The following SLC28A3 variants were observed in gnomAD, a reference collection of about 807,000 sequenced individuals.
The protein encoded by SLC28A3 is solute carrier family 28 member 3, also known as concentrative Na(+)-nucleoside cotransporter 3.
A neutral mutation model predicts 84.2 loss-of-function variants in SLC28A3; 68 were observed. The ratio of observed to expected loss-of-function variants is 0.81; its 90% CI spans 0.66 to 0.99. The LOEUF is 0.99. SLC28A3 is among the 50% of genes least tolerant of loss of function. The probability of loss-of-function intolerance (pLI) is 0.00; values close to 1 mark genes in which losing one functional copy is unlikely to be tolerated. For missense variants in SLC28A3, 712 were observed against 841.5 expected (o/e 0.85, Z 1.90); for synonymous variants, 267 against 303.6 (o/e 0.88, Z 1.25).
chr9:84,366,168 C>T, the SLC28A3 span, among the ~76,000 whole-genome samples: 5 of 152,060 alleles, frequency 3.3e-5, no homozygotes, highest in African/African-American at 7.2e-5. Context: ...TTGATCAATT[C>T]TGCTATTAAG....
intron 12 of SLC28A3, 38 bp downstream of exon 12, chr9:84,288,010 T>C (rs764811945): frequency 1.2e-6 from 2 of 1,612,552 alleles, no homozygotes; most frequent in East Asian, 2.2e-5. Context: ...CCGCCCCGGC[T>C]TGGGTAGTCA....
chr9:84,356,176 A>G, the SLC28A3 span, among the ~76,000 whole-genome samples: 37 of 152,144 alleles, frequency 2.4e-4, no homozygotes, highest in African/African-American at 8.7e-4. Flanking sequence ...ATAGCTATAT[A>G]GCTCACCTCC....
intron 1 of SLC28A3, among the ~76,000 whole-genome samples, chr9:84,314,876 A>G (rs1826114473): frequency 6.6e-6 from 1 of 152,222 alleles, no homozygotes; most frequent in Admixed American, 6.5e-5. Context: ...CAGGAGATTG[A>G]GACCATCCTG....
At chr9:84,357,010 G>T in the SLC28A3 span, among the ~76,000 whole-genome samples, 1 of 151,968 alleles carries the variant, frequency 6.6e-6, no homozygotes, top group Non-Finnish European at 1.5e-5. Flanking sequence ...AGATTCCATA[G>T]CACACATCCC....
intron 9 of SLC28A3, among the ~76,000 whole-genome samples, chr9:84,293,078 C>A (rs1424152415): frequency 6.6e-6 from 1 of 152,272 alleles, no homozygotes; most frequent in East Asian, 1.9e-4. Flanking sequence ...CTGTGTTAAG[C>A]CCTTGACAGT....
chr9:84,318,131 C>T (rs17336552), intron 1 of SLC28A3, among the ~76,000 whole-genome samples: 16,709 of 152,148 alleles, frequency 0.11, 1,034 homozygotes, highest in Admixed American at 0.19. Context: ...CTTTCTGGCT[C>T]AAGTCTCGGG....
chr9:84,288,586 G>A (rs991555258), intron 11 of SLC28A3, among the ~76,000 whole-genome samples: 6 of 151,106 alleles, frequency 4.0e-5, no homozygotes, highest in Admixed American at 1.3e-4. Context: ...GTCTTGCTCC[G>A]TCACCCAGGA....
chr9:84,336,444 C>T (rs1826979223), intron 1 of SLC28A3, among the ~76,000 whole-genome samples: 1 of 152,296 alleles, frequency 6.6e-6, no homozygotes, highest in Middle Eastern at 3.4e-3. Context: ...GTGGAGGTTG[C>T]AGTGAGCCAA....
chr9:84,361,839 GA>G, the SLC28A3 span, among the ~76,000 whole-genome samples: 1 of 152,028 alleles, frequency 6.6e-6, no homozygotes. Context: ...TTTGAGCCAG[GA>G]ATTTGAGGTT....
chr9:84,303,925 A>C (rs1033373481), intron 4 of SLC28A3, among the ~76,000 whole-genome samples: 8 of 152,116 alleles, frequency 5.3e-5, no homozygotes, highest in African/African-American at 1.9e-4. Flanking sequence ...TGCTTAGCCA[A>C]TCCTTTCAGC....
At chr9:84,340,785 T>G (rs1457449362), upstream of SLC28A3, 12 of 677,590 alleles carry the variant, frequency 1.8e-5, no homozygotes, top group Non-Finnish European at 2.0e-5. Context: ...ATCTCCTGAA[T>G]GACTAGGGCT....
chr9:84,338,115 G>C (rs1178278121), intron 1 of SLC28A3, among the ~76,000 whole-genome samples: 1 of 152,220 alleles, frequency 6.6e-6, no homozygotes, highest in Non-Finnish European at 1.5e-5. Flanking sequence ...TTCAAGCTGT[G>C]AAAGTAGTTC....
At chr9:84,301,170 T>C (rs1034920104) in intron 5 of SLC28A3, among the ~76,000 whole-genome samples, 2 of 151,326 alleles carry the variant, frequency 1.3e-5, no homozygotes, top group Non-Finnish European at 2.9e-5. Context: ...AGCAATATGG[T>C]GAAACACCCG....
chr9:84,360,998 T>C, the SLC28A3 span, among the ~76,000 whole-genome samples: 1 of 152,160 alleles, frequency 6.6e-6, no homozygotes, highest in Non-Finnish European at 1.5e-5. Context: ...CAAGAAACAC[T>C]TGCTAAATGA....
intron 1 of SLC28A3, among the ~76,000 whole-genome samples, chr9:84,328,696 T>C (rs1208452570): frequency 6.6e-6 from 1 of 152,082 alleles, no homozygotes; most frequent in African/African-American, 2.4e-5. Flanking sequence ...GAGGCGGAGG[T>C]TGCAGTGAAC....
the SLC28A3 span, among the ~76,000 whole-genome samples, chr9:84,354,544 A>T: frequency 1.3e-5 from 2 of 152,236 alleles, no homozygotes; most frequent in African/African-American, 4.8e-5. Flanking sequence ...GTCTATAATG[A>T]TACTTAAAAA....
chr9:84,335,059 C>T (rs1018373507), intron 1 of SLC28A3, among the ~76,000 whole-genome samples: 4 of 152,114 alleles, frequency 2.6e-5, no homozygotes, highest in East Asian at 1.9e-4. Context: ...GTCTTATCCG[C>T]GCTCATATCT....
chr9:84,279,566 CAAG>C (rs1274623930), intron 16 of SLC28A3, among the ~76,000 whole-genome samples, 181 bp from the exon 17 acceptor site: 10 of 152,180 alleles, frequency 6.6e-5, no homozygotes, highest in Non-Finnish European at 1.2e-4. Context: ...CTCAGCCTCC[CAAG>C]TAGCTGGGAT....
the SLC28A3 span, among the ~76,000 whole-genome samples, chr9:84,355,170 A>T: frequency 2.0e-5 from 3 of 152,238 alleles, no homozygotes; most frequent in South Asian, 6.2e-4. Flanking sequence ...ATATTGCCAC[A>T]GGGGAAACAG....
Sources: allele counts gnomAD v4.1 joint callset (sites outside exome capture counted in the v4.1 genomes callset), GRCh38; gene constraint gnomAD v4.1.1; transcripts MANE v1.5; gene names NCBI Gene and HGNC (gene_info 2026-07-23, HGNC 2026-07-21).